PTK2: variants seen among roughly 807,000 people sequenced by gnomAD.
PTK2 encodes protein tyrosine kinase 2, also known as focal adhesion kinase 1.
PTK2 carries 45 observed loss-of-function variants against 150.1 expected under a neutral mutation model. The observed-to-expected ratio is 0.30, with a 90% CI of 0.24 to 0.38. The LOEUF is 0.38. PTK2 is among the 10% of genes least tolerant of loss of function. PTK2 has a pLI of 1.00. For missense variants in PTK2, 919 were observed against 1,307.3 expected (o/e 0.70, Z 4.58); for synonymous variants, 432 against 449.2 (o/e 0.96, Z 0.48).
chr8:140,754,503 A>G (rs1007198597), intron 16 of PTK2, among the ~76,000 whole-genome samples: 2 of 152,210 alleles, frequency 1.3e-5, no homozygotes, highest in Non-Finnish European at 2.9e-5. Flanking sequence ...ACTGACCGAA[A>G]ATGTCCATTT....
At chr8:140,920,114 TTTA>T (rs2100166840) in intron 2 of PTK2, among the ~76,000 whole-genome samples, 1 of 151,344 alleles carries the variant, frequency 6.6e-6, no homozygotes, top group African/African-American at 2.5e-5. Flanking sequence ...ACAAAAAATA[TTTA>T]TTATATTCTT....
rs73356529 is a variant in PTK2 at position 140,907,405 on chromosome 8, C to T, written c.-32-16636G>A. On this transcript the variant is annotated intron_variant, in intron 2 of 31. Coordinates refer to ENST00000522684, the Ensembl canonical transcript of PTK2. Reference sequence around the variant, plus strand: ...AACAAGTTTCCGTTGAACATCATATCGGCGCTCAAAAAAGCTGAGTATTTG... The same window carrying T: ...AACAAGTTTCCGTTGAACATCATATTGGCGCTCAAAAAAGCTGAGTATTTG... Among the ~76,000 whole-genome samples the T allele has an allele frequency of 3.4e-3, 516 of 152,240 alleles. 6 individuals carry two copies. Among genetic ancestry groups the T allele is most frequent in the African/African-American group, 0.012 (483 of 41,542 alleles).
At chr8:140,816,645 T>C (rs372955574) in intron 10 of PTK2, among the ~76,000 whole-genome samples, 1 of 152,242 alleles carries the variant, frequency 6.6e-6, no homozygotes, top group Admixed American at 6.5e-5. Context: ...AAGTACATGA[T>C]ATGAGCAGTT....
In PTK2 at chr8:140,700,950, G is replaced by A; in HGVS notation, c.2440C>T (p.Arg814Ter). Residue 814 changes from arginine (R) to a stop codon, truncating the protein, a stop_gained, in exon 26 of 32, where the codon CGA becomes TGA. Transcript: ENST00000522684. LOFTEE classifies it high-confidence loss of function. Reference sequence around the variant, plus strand: ...TCTTCTTCCATTTCCTGTTGCTGTCGGATTAGACGCTCTTCCATCAGATGG... The same window carrying A: ...TCTTCTTCCATTTCCTGTTGCTGTCAGATTAGACGCTCTTCCATCAGATGG... The A allele has an allele frequency of 6.2e-7, 1 of 1,613,628 alleles. No individual in the cohort carries two copies. Among genetic ancestry groups the A allele is most frequent in the Non-Finnish European group, 8.5e-7 (1 of 1,179,860 alleles).
chr8:140,799,250 C>A (rs1036197976), intron 12 of PTK2: 6 of 152,308 alleles, frequency 3.9e-5, no homozygotes, highest in African/African-American at 9.6e-5. Flanking sequence ...CTTCCTCAAA[C>A]TGCTTTGTAA....
chr8:140,956,086 T>C (rs966175119), intron 1 of PTK2, among the ~76,000 whole-genome samples: 2 of 152,218 alleles, frequency 1.3e-5, no homozygotes, highest in African/African-American at 4.8e-5. Context: ...AAACTTCAGA[T>C]AGTCAGGTCT....
chr8:140,872,975 T>C (rs1319651471), intron 4 of PTK2, among the ~76,000 whole-genome samples: 2 of 152,252 alleles, frequency 1.3e-5, no homozygotes, highest in Non-Finnish European at 2.9e-5. Context: ...TTCATTCATA[T>C]TGTTACTTGT....
chr8:140,995,377 G>A (rs560590062), intron 1 of PTK2, among the ~76,000 whole-genome samples: 43 of 104,912 alleles, frequency 4.1e-4, no homozygotes, highest in South Asian at 3.4e-3. Context: ...GCAAGACTCC[G>A]TCTCAAAAAA....
At chr8:140,752,667 A>G (rs2100063464) in intron 16 of PTK2, among the ~76,000 whole-genome samples, 1 of 152,268 alleles carries the variant, frequency 6.6e-6, no homozygotes. Context: ...TGAGGAACAC[A>G]GATAATAAAT....
intron 12 of PTK2, among the ~76,000 whole-genome samples, chr8:140,794,033 T>TGAA (rs2100090136): frequency 6.6e-6 from 1 of 152,168 alleles, no homozygotes. Context: ...ACGCTTTCTT[T>TGAA]CCCTCAGCCT....
intron 2 of PTK2, among the ~76,000 whole-genome samples, chr8:140,919,631 G>A (rs1409174584): frequency 6.6e-6 from 1 of 151,998 alleles, no homozygotes; most frequent in African/African-American, 2.4e-5. Flanking sequence ...TTTTCAAGAA[G>A]TATAGAATTC....
chr8:140,961,950 T>A (rs1159517680), intron 1 of PTK2, among the ~76,000 whole-genome samples: 1 of 152,050 alleles, frequency 6.6e-6, no homozygotes, highest in Non-Finnish European at 1.5e-5. Context: ...TGAGTTAGTA[T>A]CTTTAAACTC....
At chr8:140,762,162 A>G (rs531644101) in intron 15 of PTK2, among the ~76,000 whole-genome samples, 28 of 152,312 alleles carry the variant, frequency 1.8e-4, no homozygotes, top group African/African-American at 6.0e-4. Context: ...ATCAAATTAT[A>G]AACAACACAG....
intron 23 of PTK2, among the ~76,000 whole-genome samples, chr8:140,708,086 G>A (rs951614166): frequency 1.1e-4 from 17 of 152,180 alleles, no homozygotes; most frequent in Admixed American, 3.3e-4. Flanking sequence ...AGTCAATAAA[G>A]TCTTTTAAAA....
intron 1 of PTK2, among the ~76,000 whole-genome samples, chr8:140,933,734 G>C (rs1211745250): frequency 6.6e-6 from 1 of 152,168 alleles, no homozygotes; most frequent in Non-Finnish European, 1.5e-5. Context: ...TCCTTGGGCT[G>C]AAGATAAGGA....
chr8:140,893,065 T>A (rs972311032), intron 2 of PTK2, among the ~76,000 whole-genome samples: 1 of 152,214 alleles, frequency 6.6e-6, no homozygotes, highest in Admixed American at 6.5e-5. Flanking sequence ...TAGTGGCTCA[T>A]GCCTGTAATC....
At chr8:140,700,118 T>C (rs2100029362) in intron 26 of PTK2, among the ~76,000 whole-genome samples, 2 of 152,346 alleles carry the variant, frequency 1.3e-5, no homozygotes, top group South Asian at 4.1e-4. Flanking sequence ...GAGTCTTAAA[T>C]AATGTATAAT....
chr8:140,988,376 T>C (rs1272249910), intron 1 of PTK2, among the ~76,000 whole-genome samples: 3 of 152,146 alleles, frequency 2.0e-5, no homozygotes, highest in African/African-American at 2.4e-5. Flanking sequence ...TATAAAGCTA[T>C]AATAACTTAG....
At chr8:140,706,053 A>AC (rs2100033544) in intron 24 of PTK2, 66 bp downstream of exon 27, 5 of 1,300,322 alleles carry the variant, frequency 3.8e-6, no homozygotes, top group Non-Finnish European at 5.5e-6. Context: ...TGCACAATGT[A>AC]CCGCTCTACC....
Sources: gnomAD v4.1 joint callset for allele counts (sites outside exome capture counted in the v4.1 genomes callset) on GRCh38, gnomAD v4.1.1 for gene constraint, MANE v1.5 for transcripts, NCBI Gene and HGNC (gene_info 2026-07-23, HGNC 2026-07-21) for gene names.